Variants in GRAMD4 observed in about 807,000 individuals in gnomAD.
GRAMD4 encodes the protein GRAM domain containing 4.
Under a neutral mutation model 83.9 loss-of-function variants are expected in GRAMD4, and 25 were observed. That is an observed-to-expected ratio of 0.30 (90% confidence interval 0.22 to 0.42). GRAMD4 has a LOEUF of 0.42. GRAMD4 is among the 10% of genes least tolerant of loss of function. The pLI, the probability that GRAMD4 is intolerant of heterozygous loss-of-function variation, is 1.00. For missense variants in GRAMD4, 593 were observed against 788.7 expected (o/e 0.75, Z 2.97); for synonymous variants, 336 against 320.9 (o/e 1.05, Z -0.50).
intron 3 of GRAMD4, among the ~76,000 whole-genome samples, chr22:46,639,409 G>T (rs1378904026): frequency 1.3e-5 from 2 of 150,068 alleles, no homozygotes; most frequent in Non-Finnish European, 3.0e-5. Context: ...CATGTGTGCA[G>T]TGTTAGTTAA....
chr22:46,648,115 C>T (rs142798161), intron 3 of GRAMD4, among the ~76,000 whole-genome samples: 14 of 150,364 alleles, frequency 9.3e-5, no homozygotes, highest in Admixed American at 5.9e-4. Context: ...GATGGGTGGA[C>T]GGGTGGGTGG....
chr22:46,665,739 C>T (rs745539401), intron 9 of GRAMD4, 33 bp downstream of exon 9: 1 of 1,118,022 alleles, frequency 8.9e-7, no homozygotes, highest in Non-Finnish European at 1.4e-6. Context: ...GCTGCTTTAT[C>T]CCACCGCATG....
At chr22:46,648,249 A>C (rs2082099582) in intron 3 of GRAMD4, among the ~76,000 whole-genome samples, 1 of 146,824 alleles carries the variant, frequency 6.8e-6, no homozygotes. Flanking sequence ...TAGGCAAACG[A>C]ATAGGTAGAT....
intron 1 of GRAMD4, among the ~76,000 whole-genome samples, chr22:46,602,327 C>T (rs1298800668): frequency 1.3e-5 from 2 of 152,232 alleles, no homozygotes; most frequent in Non-Finnish European, 2.9e-5. Flanking sequence ...ACCCCACACC[C>T]ACATGCTGTG....
At chr22:46,637,291 C>T (rs1158596746) in intron 2 of GRAMD4, among the ~76,000 whole-genome samples, 6 of 148,354 alleles carry the variant, frequency 4.0e-5, no homozygotes, top group South Asian at 2.1e-4. Flanking sequence ...CTCGCTCTGT[C>T]GCCCAGGCTG....
In GRAMD4 at chr22:46,677,612, T is replaced by A; in HGVS notation, c.*361T>A. On this transcript the variant is annotated 3_prime_UTR_variant, in exon 19 of 19. Transcript: ENST00000406902. The stretch of plus-strand genomic sequence containing the variant: ...AAACCTCTCCAGCCACCCCAAGAGG[T>A]TCTCGCAACCTTGTGTCCCGCTCTC... 1 of 1,025,170 alleles carries A rather than the reference T, an allele frequency of 9.8e-7. No individual in the cohort carries two copies. The highest frequency in any genetic ancestry group is 1.2e-6 in the Non-Finnish European group (1 of 854,412). 63.5% of individuals were successfully genotyped at this position (1,025,170 alleles called of 1,614,324 possible). A position where few individuals can be genotyped will look rare whatever the true frequency, so the allele number is the denominator to read the frequency against.
At chr22:46,642,008 TG>T (rs1480502943) in intron 3 of GRAMD4, among the ~76,000 whole-genome samples, 2 of 152,252 alleles carry the variant, frequency 1.3e-5, no homozygotes, top group Non-Finnish European at 2.9e-5. Context: ...TGGGCTCTCC[TG>T]GGGTTTTTGG....
intron 2 of GRAMD4, 51 bp from the exon 3 acceptor site, chr22:46,637,789 A>T: frequency 6.2e-7 from 1 of 1,607,182 alleles, no homozygotes. Flanking sequence ...AGTGGTGCAG[A>T]CCCAGGGTGC....
intron 3 of GRAMD4, among the ~76,000 whole-genome samples, chr22:46,642,579 A>G (rs775325315): frequency 3.3e-5 from 5 of 152,164 alleles, no homozygotes; most frequent in Admixed American, 6.5e-5. Context: ...TGCAGTCTCT[A>G]TTTGTTTCTT....
intron 1 of GRAMD4, among the ~76,000 whole-genome samples, chr22:46,614,491 C>G (rs2147102014): frequency 6.6e-6 from 1 of 152,342 alleles, no homozygotes; most frequent in East Asian, 1.9e-4. Flanking sequence ...TGTAGACTCA[C>G]AGGTGGCGTT....
intron 10 of GRAMD4, 64 bp from the exon 11 acceptor site, chr22:46,668,032 T>C (rs1291276698): frequency 2.2e-5 from 26 of 1,186,744 alleles, no homozygotes; most frequent in South Asian, 1.3e-5. Flanking sequence ...CCACACTGTT[T>C]TGTCAGTGGT....
intron 3 of GRAMD4, among the ~76,000 whole-genome samples, chr22:46,652,172 G>A (rs888388855): frequency 3.3e-5 from 5 of 152,164 alleles, no homozygotes; most frequent in African/African-American, 1.2e-4. Context: ...GACCTTTGGT[G>A]GAGATGGTTC....
intron 1 of GRAMD4, among the ~76,000 whole-genome samples, chr22:46,623,607 A>G (rs1181481401): frequency 3.3e-5 from 5 of 151,988 alleles, no homozygotes; most frequent in Admixed American, 6.6e-5. Flanking sequence ...CGTGTTAGCC[A>G]GGATGGTCTC....
intron 1 of GRAMD4, among the ~76,000 whole-genome samples, chr22:46,586,651 G>A (rs1486370682): frequency 6.6e-6 from 1 of 152,254 alleles, no homozygotes; most frequent in African/African-American, 2.4e-5. Flanking sequence ...GAGCTCTGGT[G>A]TGGCGGAATC....
At position 46,585,061 on chromosome 22, in the gene GRAMD4, T is replaced by C. The variant is rs140830620; in HGVS notation, c.-50+7771T>C. ...CTGTTAAGCATCTTTCATTCAGGAATGCGTCAGGCCCTTGCAGAAGTTTTG... is the reference window on the plus strand; with the variant it reads ...CTGTTAAGCATCTTTCATTCAGGAACGCGTCAGGCCCTTGCAGAAGTTTTG... On this transcript the variant is annotated intron_variant, in intron 1 of 1. Coordinates refer to the GRAMD4 transcript ENST00000431155. Among the ~76,000 whole-genome samples, 398 of 152,326 alleles carry C rather than the reference T, an allele frequency of 2.6e-3. 2 individuals carry two copies. Among genetic ancestry groups the C allele is most frequent in the Middle Eastern group, 0.01 (3 of 294 alleles).
intron 1 of GRAMD4, among the ~76,000 whole-genome samples, chr22:46,584,119 CGGTG>C (rs771339278): frequency 4.6e-5 from 7 of 152,168 alleles, no homozygotes; most frequent in Non-Finnish European, 1.0e-4. Context: ...CACCCCTTCA[CGGTG>C]GGTGGTGTGA....
intron 3 of GRAMD4, among the ~76,000 whole-genome samples, chr22:46,650,698 G>A (rs908352711): frequency 2.6e-5 from 4 of 152,334 alleles, no homozygotes; most frequent in South Asian, 2.1e-4. Flanking sequence ...CTGTGGGGGC[G>A]ATTTCTATGT....
chr22:46,623,164 A>G (rs2081602154), intron 1 of GRAMD4, among the ~76,000 whole-genome samples: 1 of 151,902 alleles, frequency 6.6e-6, no homozygotes, highest in African/African-American at 2.4e-5. Flanking sequence ...TCATCCCTTT[A>G]CAAGGACGGG....
chr22:46,647,954 GA>G (rs2082094818), intron 3 of GRAMD4, among the ~76,000 whole-genome samples: 1 of 152,244 alleles, frequency 6.6e-6, no homozygotes, highest in Non-Finnish European at 1.5e-5. Context: ...CTACCAACTG[GA>G]GTCATATGGG....
Sources: gnomAD v4.1 joint callset for allele counts (sites outside exome capture counted in the v4.1 genomes callset) on GRCh38, gnomAD v4.1.1 for gene constraint, MANE v1.5 for transcripts, NCBI Gene and HGNC (gene_info 2026-07-23, HGNC 2026-07-21) for gene names.